Variants in DAAM2 observed in about 807,000 individuals in gnomAD.
DAAM2 encodes the protein dishevelled associated activator of morphogenesis 2.
DAAM2 carries 39 observed loss-of-function variants against 120.7 expected under a neutral mutation model. The ratio of observed to expected loss-of-function variants is 0.32; its 90% CI spans 0.25 to 0.42. DAAM2 has a LOEUF of 0.42. DAAM2 is among the 10% of genes least tolerant of loss of function. The probability of loss-of-function intolerance (pLI) is 1.00; values close to 1 mark genes in which losing one functional copy is unlikely to be tolerated. For synonymous variants in DAAM2, 488 were observed against 524.9 expected (o/e 0.93, Z 0.96); for missense variants, 1,283 against 1,401.7 (o/e 0.92, Z 1.35).
At chr6:39,812,324 A>T (rs1412601048) in intron 1 of DAAM2, among the ~76,000 whole-genome samples, 1 of 152,112 alleles carries the variant, frequency 6.6e-6, no homozygotes, top group Non-Finnish European at 1.5e-5. Context: ...AACACATCTC[A>T]TTCTAACAGC....
At chr6:39,876,585 G>A (rs973781999) in intron 11 of DAAM2, among the ~76,000 whole-genome samples, 1 of 152,108 alleles carries the variant, frequency 6.6e-6, no homozygotes, top group Admixed American at 6.5e-5. Context: ...TCACTTTCAA[G>A]TGCAACATAG....
Position 39,903,901 on chromosome 6 carries a change from A to T in DAAM2, c.*1864A>T, listed in dbSNP as rs1464002209. 2 of 315,214 alleles carry T rather than the reference A, an allele frequency of 6.3e-6. No individual in the cohort carries two copies. The highest frequency in any genetic ancestry group is 1.7e-4 in the East Asian group (2 of 12,092). The allele number at this position is 315,214 out of a possible 1,614,324, so 19.5% of individuals were successfully genotyped here. On this transcript the variant is annotated 3_prime_UTR_variant, in exon 25 of 25. Transcript: ENST00000274867. ...GCCATCCTGGAACCCAGGTGAGGGCAAGATGAAGGCTTCCAGGCAGAACAG... is the reference window on the plus strand; with the variant it reads ...GCCATCCTGGAACCCAGGTGAGGGCTAGATGAAGGCTTCCAGGCAGAACAG...
Position 39,901,980 on chromosome 6 carries a change from A to G in DAAM2, c.3150A>G (p.Ser1050=), listed in dbSNP as rs762610211. The G allele has an allele frequency of 1.8e-5, 29 of 1,612,060 alleles. No homozygotes were observed. In the Admixed American group the frequency reaches 4.7e-4, roughly 26 times the overall value. The part of the protein sequence containing the change: ...LCKLKRSRKR[S]GSQALEVTRE... The stretch of plus-strand genomic sequence containing the variant: ...AGCTCAAGCGCAGCCGCAAGCGATC[A>G]GGGAGCCAGGCCCTGGAAGTTACCC... The change falls in exon 25 of 25, where the codon TCA becomes TCG. Residue 1050 remains serine, a synonymous_variant. Coordinates refer to ENST00000274867, the MANE Select transcript of DAAM2 (RefSeq NM_001201427.2). This position sits in a 1 kb window ranked among gnomAD's most constrained non-coding sequence, Gnocchi z 4.5.
chr6:39,899,079 G>A (rs1396122966), intron 22 of DAAM2, 142 bp downstream of exon 22: 12 of 663,326 alleles, frequency 1.8e-5, no homozygotes, highest in Non-Finnish European at 2.9e-5. Flanking sequence ...AAGGATAACT[G>A]GATTACTGGG....
chr6:39,833,080 C>A (rs1762975569), intron 1 of DAAM2, among the ~76,000 whole-genome samples: 1 of 152,136 alleles, frequency 6.6e-6, no homozygotes, highest in Non-Finnish European at 1.5e-5. Context: ...TCCACGTGAC[C>A]TTTCCCCAAC....
chr6:39,867,982 G>GT (rs1764500285), intron 6 of DAAM2, 139 bp downstream of exon 6: 2 of 758,746 alleles, frequency 2.6e-6, no homozygotes, highest in Admixed American at 2.6e-5. Context: ...CTCCTGGAAG[G>GT]TAACAGGTGA....
intron 22 of DAAM2, 79 bp downstream of exon 22, chr6:39,899,016 C>T: frequency 9.4e-7 from 1 of 1,062,862 alleles, no homozygotes; most frequent in Non-Finnish European, 1.4e-6. Context: ...TAAGCTCCTA[C>T]ACAGGGGCAA....
rs201066640 is a variant in DAAM2 at position 39,813,167 on chromosome 6, C to T, written c.-57+20702C>T. On this transcript the variant is annotated intron_variant, in intron 1 of 24. Transcript: ENST00000274867. ...CAGATTGTGTGTGTGTGTGTGTGTGCGTGTGTGTGTGTATGTATGTGTACA... is the reference window on the plus strand; with the variant it reads ...CAGATTGTGTGTGTGTGTGTGTGTGTGTGTGTGTGTGTATGTATGTGTACA... Among the ~76,000 whole-genome samples the T allele has an allele frequency of 5.1e-3, 760 of 149,616 alleles. 4 individuals are homozygous for T. The highest frequency in any genetic ancestry group is 0.018 in the African/African-American group (714 of 40,064).
chr6:39,886,133 AG>A (rs1051441161), intron 15 of DAAM2: 160 of 340,828 alleles, frequency 4.7e-4, no homozygotes, highest in African/African-American at 1.9e-3. Context: ...GGGAGAACTC[AG>A]GGGTTTGGTC....
chr6:39,890,036 G>C (rs961148133), intron 17 of DAAM2, among the ~76,000 whole-genome samples: 2 of 152,118 alleles, frequency 1.3e-5, no homozygotes, highest in African/African-American at 4.8e-5. Context: ...GCTGAGGCAG[G>C]AGAATCACTT....
At chr6:39,840,344 G>C in intron 1 of DAAM2, among the ~76,000 whole-genome samples, 1 of 152,184 alleles carries the variant, frequency 6.6e-6, no homozygotes. Context: ...ACTGAACATT[G>C]GTTTCCTTAA....
intron 19 of DAAM2, 42 bp downstream of exon 19, chr6:39,891,764 C>G (rs1023535456): frequency 6.6e-7 from 1 of 1,509,738 alleles, no homozygotes; most frequent in Non-Finnish European, 9.0e-7. Context: ...GGAGAGTTAT[C>G]TGAGAAAGGC....
At chr6:39,834,534 G>A (rs1763033541) in intron 1 of DAAM2, among the ~76,000 whole-genome samples, 1 of 152,174 alleles carries the variant, frequency 6.6e-6, no homozygotes, top group Admixed American at 6.5e-5. Context: ...GCTAGTAGCT[G>A]TTGAGGATCA....
At chr6:39,864,345 C>T (rs1452375813) in intron 3 of DAAM2, 88 bp from the exon 4 acceptor site, 2 of 969,814 alleles carry the variant, frequency 2.1e-6, no homozygotes, top group Non-Finnish European at 3.2e-6. Context: ...AGAAATGAAT[C>T]CCTCTGCTGA....
At chr6:39,843,653 G>A (rs143977063) in intron 1 of DAAM2, among the ~76,000 whole-genome samples, 13 of 152,300 alleles carry the variant, frequency 8.5e-5, no homozygotes, top group Admixed American at 5.2e-4. Flanking sequence ...TAAACCAAGC[G>A]CAGGGCCCTT....
intron 5 of DAAM2, among the ~76,000 whole-genome samples, chr6:39,865,590 C>T (rs1764396855): frequency 1.3e-5 from 2 of 152,146 alleles, no homozygotes; most frequent in South Asian, 2.1e-4. Context: ...TAGGAGGACA[C>T]CTTTCCCTTC....
chr6:39,900,484 A>G (rs1478149140), intron 23 of DAAM2, among the ~76,000 whole-genome samples: 2 of 152,324 alleles, frequency 1.3e-5, no homozygotes, highest in Non-Finnish European at 2.9e-5. Flanking sequence ...CCCACTTGAC[A>G]GATATGAACG....
intron 1 of DAAM2, among the ~76,000 whole-genome samples, chr6:39,828,794 C>T (rs941511475): frequency 6.6e-6 from 1 of 150,508 alleles, no homozygotes; most frequent in Non-Finnish European, 1.5e-5. Flanking sequence ...ATCTCCTGAC[C>T]TTGTGATCTG....
At chr6:39,833,386 C>A (rs1258732030) in intron 1 of DAAM2, among the ~76,000 whole-genome samples, 1 of 152,108 alleles carries the variant, frequency 6.6e-6, no homozygotes, top group Non-Finnish European at 1.5e-5. Flanking sequence ...CTCACTGCAA[C>A]CTCTGCCTCC....
Sources: allele counts gnomAD v4.1 joint callset (sites outside exome capture counted in the v4.1 genomes callset), GRCh38; gene constraint gnomAD v4.1.1; non-coding constraint Gnocchi (gnomAD v3.1); transcripts MANE v1.5; gene names NCBI Gene and HGNC (gene_info 2026-07-23, HGNC 2026-07-21).